The following RSPH9 variants were observed in gnomAD, a reference collection of about 807,000 sequenced individuals.
The protein encoded by RSPH9 is radial spoke head protein 9 homolog.
A neutral mutation model predicts 27.0 loss-of-function variants in RSPH9; 27 were observed. That is an observed-to-expected ratio of 1.00 (90% CI 0.74 to 1.38). The LOEUF (loss-of-function observed/expected upper bound fraction) is 1.38. Among genes scored for constraint, RSPH9 ranks in the 40% most tolerant of loss-of-function variants. The pLI is 0.00. For missense variants in RSPH9, 347 were observed against 357.4 expected, an observed-to-expected ratio of 0.97 and a Z score of 0.24; for synonymous variants, 145 against 147.7, an observed-to-expected ratio of 0.98 and a Z score of 0.13.
Position 43,645,118 on chromosome 6 carries a change from T to C in RSPH9, c.20T>C (p.Leu7Pro), listed in dbSNP as rs1389153724. The C allele has an allele frequency of 1.2e-6, 2 of 1,612,538 alleles. No individual in the cohort carries two copies. Among genetic ancestry groups the C allele is most frequent in the Non-Finnish European group, 1.7e-6 (2 of 1,179,940 alleles). The change falls in exon 1 of 5, where the codon CTG (leucine) becomes CCG (proline). Residue 7 changes from leucine to proline, a missense_variant. Coordinates refer to ENST00000372163, the MANE Select transcript of RSPH9 (RefSeq NM_152732.5). ...GACCTGATGGACGCCGACAGCCTCC[T>C]GCTGTCTCTGGAGCTGGCGTCCGGC... The part of the protein sequence containing the change: MDADSL[L>P]LSLELASGSG...
chr6:43,645,219 T>C lies in RSPH9; in HGVS notation c.121T>C (p.Tyr41His). ...TATGCTGGTTAAGCGCGACTACCGC[T>C]ATGATCGGGTTCTCTTCTGGGGCCG... The part of the protein sequence containing the change: ...SLMLVKRDYR[Y>H]DRVLFWGRIL... The change falls in exon 1 of 5, where the codon TAT becomes CAT. Residue 41 changes from tyrosine to histidine, a missense_variant. Physicochemically the swap from Tyr to His is moderately conservative, Grantham distance 83. Transcript: ENST00000372163. 1 of 1,614,088 alleles carries C rather than the reference T, an allele frequency of 6.2e-7. No individual in the cohort carries two copies. Among genetic ancestry groups the C allele is most frequent in the East Asian group, 2.2e-5 (1 of 44,884 alleles).
At chr6:43,658,768 T>C (rs552638621) in intron 4 of RSPH9, among the ~76,000 whole-genome samples, 9 of 152,242 alleles carry the variant, frequency 5.9e-5, no homozygotes, top group African/African-American at 1.9e-4. Flanking sequence ...ATGGTCTCAA[T>C]CTCCTGACCT....
intron 4 of RSPH9, chr6:43,666,335 G>C: frequency 9.2e-7 from 1 of 1,085,962 alleles, no homozygotes; most frequent in Non-Finnish European, 1.4e-6. Flanking sequence ...AAAATCCCAA[G>C]GAAGAGTTCC....
intron 1 of RSPH9, among the ~76,000 whole-genome samples, chr6:43,647,234 A>G (rs1465842184): frequency 6.6e-6 from 1 of 152,228 alleles, no homozygotes; most frequent in Non-Finnish European, 1.5e-5. Context: ...GGGAAGTCTC[A>G]GAGTGTTTGG....
intron 4 of RSPH9, among the ~76,000 whole-genome samples, chr6:43,669,395 A>G (rs542307152): frequency 5.9e-5 from 9 of 152,224 alleles, no homozygotes; most frequent in Non-Finnish European, 8.8e-5. Context: ...ATGAGCTGCC[A>G]TGAGGGTCAG....
chr6:43,655,392 G>T (rs150757207), intron 2 of RSPH9, among the ~76,000 whole-genome samples, 170 bp from the exon 3 acceptor site: 119 of 152,326 alleles, frequency 7.8e-4, no homozygotes, highest in Admixed American at 2.8e-3. Flanking sequence ...AAAAAGAAAG[G>T]AAGAAAATCT....
chr6:43,666,419 T>C, intron 4 of RSPH9: 1 of 1,549,374 alleles, frequency 6.5e-7, no homozygotes, highest in Non-Finnish European at 8.7e-7. Context: ...ACTGTTTCCT[T>C]TCAGGGTCTG....
rs1773701130 is a variant in RSPH9 at position 43,671,647 on chromosome 6, G to A, written c.*698G>A. 1.6e-6 allele frequency: 2 copies of A among 1,258,698 alleles called. No homozygotes were observed. The highest frequency in any genetic ancestry group is 2.3e-5 in the East Asian group (1 of 42,928). 78.0% of individuals were successfully genotyped at this position (1,258,698 alleles called of 1,614,324 possible). ...GTCCCCTGTCCATGCATGTTGGAGG[G>A]ACCAGGCCATCGTGGTGGGGTGGGA... On this transcript the variant is annotated 3_prime_UTR_variant, in exon 5 of 5. Coordinates refer to ENST00000372163, the MANE Select transcript of RSPH9 (RefSeq NM_152732.5).
chr6:43,667,634 T>C (rs1773281342), intron 4 of RSPH9, among the ~76,000 whole-genome samples: 4 of 152,360 alleles, frequency 2.6e-5, no homozygotes. Flanking sequence ...CCACGGGGCC[T>C]GCCTTTGCTA....
chr6:43,650,579 A>G (rs1365648316), intron 2 of RSPH9, 39 bp downstream of exon 2: 1 of 1,610,712 alleles, frequency 6.2e-7, no homozygotes, highest in Non-Finnish European at 8.5e-7. Flanking sequence ...CCTAAAAGAG[A>G]GCCTGGGCTC....
rs146786809 is a variant in RSPH9, at chr6:43,650,659, C to T, written c.393+119C>T. 7,748 of 1,047,592 alleles carry T rather than the reference C, an allele frequency of 7.4e-3. 44 individuals carry two copies. Among genetic ancestry groups the T allele is most frequent in the Non-Finnish European group, 9.7e-3 (6,729 of 692,240 alleles). 64.9% of individuals were successfully genotyped at this position (1,047,592 alleles called of 1,614,324 possible). A position where few individuals can be genotyped will look rare whatever the true frequency, so the allele number is the denominator to read the frequency against. On this transcript the variant is annotated intron_variant, in intron 2 of 4. Coordinates refer to ENST00000372163, the MANE Select transcript of RSPH9 (RefSeq NM_152732.5). ...CGGTGGCTCACGCCTGTAATCTCAG[C>T]ACTTTGAGAGGCTGAGGCGGGTGGA...
In RSPH9 at chr6:43,672,406, G is replaced by A. The variant is rs1192821053; in HGVS notation, c.*1457G>A. On this transcript the variant is annotated 3_prime_UTR_variant, in exon 5 of 5. Coordinates refer to ENST00000372163, the MANE Select transcript of RSPH9 (RefSeq NM_152732.5). ...CCCAACCTGTGATGGGAATCAAGGG[G>A]TAAGGGCCCGTGGGCGCAGCCCTAG... 2.1e-6 allele frequency: 1 copy of A among 471,448 alleles called. No individual in the cohort carries two copies. Among genetic ancestry groups the A allele is most frequent in the Non-Finnish European group, 4.4e-6 (1 of 227,180 alleles). The allele number at this position is 471,448 out of a possible 1,614,324, so 29.2% of individuals were successfully genotyped here.
At chr6:43,664,813 C>G (rs560533781) in intron 4 of RSPH9, among the ~76,000 whole-genome samples, 2 of 152,328 alleles carry the variant, frequency 1.3e-5, no homozygotes, top group East Asian at 3.9e-4. Flanking sequence ...TCAGACTCCC[C>G]TCATCTCCTC....
intron 4 of RSPH9, among the ~76,000 whole-genome samples, chr6:43,658,559 G>A (rs1264280809): frequency 1.3e-5 from 2 of 151,950 alleles, no homozygotes; most frequent in African/African-American, 4.8e-5. Context: ...CTTTTTGCTG[G>A]TGGAGGGTCT....
Position 43,656,614 on chromosome 6 carries a change from C to A in RSPH9, c.561C>A (p.Tyr187Ter). Residue 187 changes from tyrosine to a stop codon, truncating the protein, a stop_gained, in exon 4 of 5, where the codon TAC (tyrosine) becomes TAA (stop). Transcript: ENST00000372163. LOFTEE classifies it high-confidence loss of function. ...SLSEAKKLSS[Y>*]FHFREPVELK... ...CTGAGGCCAAGAAGCTCAGCTCCTA[C>A]TTCCATTTCAGGGAGCCTGTTGAGC... 1 of 1,614,230 alleles carries A rather than the reference C, an allele frequency of 6.2e-7. No homozygotes were observed. The highest frequency in any genetic ancestry group is 8.5e-7 in the Non-Finnish European group (1 of 1,180,038).
At position 43,650,509 on chromosome 6, in the gene RSPH9, A is replaced by G; in HGVS notation, c.362A>G (p.Glu121Gly). ...CACACTGAGCTGCAGAAGGTGAATG[A>G]AGGTGAAAAAGTCTTTGAAGAAGAA... Reference protein sequence around the residue: ...YEHTELQKVNEGEKVFEEEIV... With the variant: ...YEHTELQKVNGGEKVFEEEIV... Residue 121 changes from glutamate (E) to glycine (G), a missense_variant, in exon 2 of 5, where the codon GAA (glutamate) becomes GGA (glycine). Coordinates refer to ENST00000372163, the MANE Select transcript of RSPH9 (RefSeq NM_152732.5). 1.9e-6 allele frequency: 3 copies of G among 1,614,158 alleles called. No individual in the cohort carries two copies. The highest frequency in any genetic ancestry group is 1.7e-6 in the Non-Finnish European group (2 of 1,180,038).
At chr6:43,647,894 G>A (rs574086409) in intron 1 of RSPH9, among the ~76,000 whole-genome samples, 16 of 152,242 alleles carry the variant, frequency 1.1e-4, no homozygotes, top group Admixed American at 7.2e-4. Flanking sequence ...TGTGTTCAGG[G>A]GGCAGGGAAC....
intron 3 of RSPH9, among the ~76,000 whole-genome samples, chr6:43,656,070 T>C (rs1772014675): frequency 7.2e-6 from 1 of 139,316 alleles, no homozygotes; most frequent in African/African-American, 2.8e-5. Flanking sequence ...CTTTCCCTCC[T>C]TCCCTCCCTC....
intron 4 of RSPH9, among the ~76,000 whole-genome samples, chr6:43,663,627 A>C (rs983245419): frequency 6.6e-6 from 1 of 152,110 alleles, no homozygotes; most frequent in African/African-American, 2.4e-5. Context: ...CACATTTATC[A>C]ATTAAGTTTG....
Sources: allele counts gnomAD v4.1 joint callset (sites outside exome capture counted in the v4.1 genomes callset), GRCh38; gene constraint gnomAD v4.1.1; transcripts MANE v1.5; gene names NCBI Gene and HGNC (gene_info 2026-07-23, HGNC 2026-07-21).